The following CNTNAP2 variants were observed in gnomAD, a reference collection of about 807,000 sequenced individuals.
The protein encoded by CNTNAP2 is contactin-associated protein-like 2.
In CNTNAP2, 98 loss-of-function variants were observed where a neutral mutation model predicts 155.2. The ratio of observed to expected loss-of-function variants is 0.63; its 90% CI spans 0.54 to 0.75. The LOEUF (loss-of-function observed/expected upper bound fraction) is 0.75. Ranked by LOEUF, CNTNAP2 falls within the 30% of genes least tolerant of loss-of-function variation. The probability of loss-of-function intolerance (pLI) is 0.00; values close to 1 mark genes in which losing one functional copy is unlikely to be tolerated. For synonymous variants in CNTNAP2, 651 were observed against 631.2 expected, an observed-to-expected ratio of 1.03 and a Z score of -0.47; for missense variants, 1,727 against 1,688.1, an observed-to-expected ratio of 1.02 and a Z score of -0.40.
chr7:148,095,944 T>A (rs1803957060), intron 15 of CNTNAP2, among the ~76,000 whole-genome samples: 1 of 152,224 alleles, frequency 6.6e-6, no homozygotes, highest in Admixed American at 6.5e-5. Flanking sequence ...ATGTATTTTC[T>A]TCAAAGAAAA....
intron 9 of CNTNAP2, among the ~76,000 whole-genome samples, chr7:147,351,265 G>C (rs1795964097): frequency 6.6e-6 from 1 of 151,460 alleles, no homozygotes; most frequent in Non-Finnish European, 1.5e-5. Flanking sequence ...TAATAATGTA[G>C]AAAAAAAATT....
chr7:146,235,302 T>G (rs112914725), intron 1 of CNTNAP2, among the ~76,000 whole-genome samples: 2,283 of 151,920 alleles, frequency 0.015, 49 homozygotes, highest in African/African-American at 0.052. Context: ...GGTCCTTTAT[T>G]TTCTGCTTGA....
At chr7:147,841,174 G>A (rs1169936192) in intron 13 of CNTNAP2, among the ~76,000 whole-genome samples, 1 of 152,086 alleles carries the variant, frequency 6.6e-6, no homozygotes, top group Non-Finnish European at 1.5e-5. Context: ...CATTTTTCTT[G>A]CCTGATTGTT....
Position 146,754,560 on chromosome 7 carries a change from C to G in CNTNAP2, c.98-19711C>G, listed in dbSNP as rs373693276. On this transcript the variant is annotated intron_variant, in intron 1 of 23. Transcript: ENST00000361727. ...TCTCTCTCTCTCTCTCTCTGTCTCT[C>G]TCTCTCTCTCTCTCTCTCTTTTTAA... is the stretch of plus-strand genomic sequence containing the variant. Among the ~76,000 whole-genome samples the G allele has an allele frequency of 7.2e-4, 106 of 146,614 alleles. 2 individuals are homozygous for G. The highest frequency in any genetic ancestry group is 8.5e-4 in the African/African-American group (34 of 40,168).
chr7:146,577,601 G>T (rs1798545276), intron 1 of CNTNAP2, among the ~76,000 whole-genome samples: 1 of 151,700 alleles, frequency 6.6e-6, no homozygotes, highest in South Asian at 2.1e-4. Context: ...TAAAAAAAGT[G>T]GATTTCTCTG....
chr7:146,155,685 CATTATTATT>C lies in CNTNAP2; in HGVS notation c.97+38734_97+38742del, dbSNP rs58328058. On this transcript the variant is annotated intron_variant, in intron 1 of 23. Coordinates refer to ENST00000361727, the MANE Select transcript of CNTNAP2 (RefSeq NM_014141.6). ...TATAAATAATTGCATAAAACAATAT[CATTATTATT>C]ATTATTATTATTATTATTATTCGAA... Among the ~76,000 whole-genome samples the C allele has an allele frequency of 3.7e-3, 549 of 146,760 alleles. 4 individuals carry two copies. The highest frequency in any genetic ancestry group is 5.9e-3 in the Non-Finnish European group (392 of 66,824).
At chr7:147,847,759 G>A (rs1798836517) in intron 13 of CNTNAP2, among the ~76,000 whole-genome samples, 1 of 41,836 alleles carries the variant, frequency 2.4e-5, no homozygotes, top group African/African-American at 1.2e-4. Flanking sequence ...TGATGGTGAT[G>A]TACAGATGGG....
chr7:148,166,125 A>G (rs536365606), intron 17 of CNTNAP2, among the ~76,000 whole-genome samples: 2 of 151,954 alleles, frequency 1.3e-5, no homozygotes, highest in Admixed American at 6.6e-5. Flanking sequence ...TCTGGATCCC[A>G]GCTAACCCTG....
chr7:146,806,569 T>A (rs574924189), intron 2 of CNTNAP2, among the ~76,000 whole-genome samples: 1 of 152,126 alleles, frequency 6.6e-6, no homozygotes, highest in Admixed American at 6.6e-5. Flanking sequence ...ACCTCAGGAT[T>A]TACTCTCTGT....
chr7:146,599,266 A>G (rs1798909899), intron 1 of CNTNAP2, among the ~76,000 whole-genome samples: 1 of 152,068 alleles, frequency 6.6e-6, no homozygotes, highest in Non-Finnish European at 1.5e-5. Context: ...ATAATCATTC[A>G]ATATTAGAGA....
At chr7:146,588,754 C>T (rs891260019) in intron 1 of CNTNAP2, among the ~76,000 whole-genome samples, 18 of 152,044 alleles carry the variant, frequency 1.2e-4, no homozygotes, top group East Asian at 1.9e-4. Flanking sequence ...AGCTATCGGC[C>T]GGCCTGTGCC....
intron 2 of CNTNAP2, among the ~76,000 whole-genome samples, chr7:146,785,453 T>C (rs1802559725): frequency 6.6e-6 from 1 of 152,230 alleles, no homozygotes; most frequent in African/African-American, 2.4e-5. Context: ...GAGAATATTT[T>C]CTAAATGTGT....
At chr7:147,092,192 T>A (rs1800421549) in intron 4 of CNTNAP2, among the ~76,000 whole-genome samples, 2 of 152,236 alleles carry the variant, frequency 1.3e-5, no homozygotes, top group Admixed American at 1.3e-4. Context: ...AGGCACTGTA[T>A]CAAATGTATC....
At chr7:146,437,096 C>T (rs969498168) in intron 1 of CNTNAP2, among the ~76,000 whole-genome samples, 1 of 151,358 alleles carries the variant, frequency 6.6e-6, no homozygotes, top group African/African-American at 2.5e-5. Flanking sequence ...CTTTAGATAG[C>T]GTTGGCGTTA....
At chr7:147,031,847 G>A (rs2129250402) in intron 3 of CNTNAP2, among the ~76,000 whole-genome samples, 1 of 152,344 alleles carries the variant, frequency 6.6e-6, no homozygotes, top group African/African-American at 2.4e-5. Flanking sequence ...GAACCTGGGA[G>A]ATGGAGGTTT....
intron 1 of CNTNAP2, among the ~76,000 whole-genome samples, chr7:146,132,185 A>AT (rs1244195793): frequency 1.1e-4 from 16 of 152,228 alleles, no homozygotes; most frequent in African/African-American, 3.9e-4. Flanking sequence ...CAGATGATCA[A>AT]TTTACTTAGA....
At chr7:148,394,589 A>G (rs1799425096) in intron 22 of CNTNAP2, among the ~76,000 whole-genome samples, 1 of 152,180 alleles carries the variant, frequency 6.6e-6, no homozygotes, top group Non-Finnish European at 1.5e-5. Flanking sequence ...TAAGTTCATT[A>G]CCTGGTGATG....
At chr7:146,611,450 T>C (rs1799135480) in intron 1 of CNTNAP2, among the ~76,000 whole-genome samples, 1 of 152,172 alleles carries the variant, frequency 6.6e-6, no homozygotes, top group Admixed American at 6.5e-5. Flanking sequence ...AATTCTCTCA[T>C]GTTATTTGTA....
At chr7:146,509,823 G>C (rs1429072502) in intron 1 of CNTNAP2, among the ~76,000 whole-genome samples, 2 of 152,100 alleles carry the variant, frequency 1.3e-5, no homozygotes, top group African/African-American at 2.4e-5. Context: ...AATTCTGCTG[G>C]GAAAGGCACA....
Sources: gnomAD v4.1 joint callset for allele counts (sites outside exome capture counted in the v4.1 genomes callset) on GRCh38, gnomAD v4.1.1 for gene constraint, MANE v1.5 for transcripts, NCBI Gene and HGNC (gene_info 2026-07-23, HGNC 2026-07-21) for gene names.